NEGR1: variants seen among roughly 807,000 people sequenced by gnomAD.
NEGR1 encodes the protein neuronal growth regulator 1, also known as IgLON family member 4.
In NEGR1, 10 loss-of-function variants were observed where a neutral mutation model predicts 40.9. That is an observed-to-expected ratio of 0.24 (90% confidence interval 0.15 to 0.42). The LOEUF (loss-of-function observed/expected upper bound fraction) is 0.42, where lower values mean the gene tolerates loss of function less well. NEGR1 is among the 10% of genes least tolerant of loss of function. The pLI, the probability that NEGR1 is intolerant of heterozygous loss-of-function variation, is 1.00. For synonymous variants in NEGR1, 185 were observed against 166.8 expected (o/e 1.11, Z -0.84); for missense variants, 352 against 438.9 (o/e 0.80, Z 1.77).
chr1:72,081,546 C>T (rs553727358), intron 1 of NEGR1, among the ~76,000 whole-genome samples: 38 of 152,224 alleles, frequency 2.5e-4, no homozygotes, highest in African/African-American at 8.9e-4. Context: ...ATCTCTATCT[C>T]TGTCTACTAG....
rs1465284034 is a variant in NEGR1, at chr1:71,406,084, A to G, written c.*1362T>C. On this transcript the variant is annotated 3_prime_UTR_variant, in exon 7 of 7. Coordinates refer to ENST00000357731, the MANE Select transcript of NEGR1 (RefSeq NM_173808.3). ...TGGTGTTTTGTCTTTATTTGATCGC[A>G]TCTTACATATATCATGTAAGGAAAA... is the stretch of plus-strand genomic sequence containing the variant. The G allele has an allele frequency of 6.6e-6, 1 of 152,180 alleles. No individual in the cohort carries two copies. Among genetic ancestry groups the G allele is most frequent in the Non-Finnish European group, 1.5e-5 (1 of 67,842 alleles). The allele number at this position is 152,180 out of a possible 1,614,324, so 9.4% of individuals were successfully genotyped here.
chr1:71,955,864 G>A (rs985290798), intron 1 of NEGR1, among the ~76,000 whole-genome samples: 15 of 152,102 alleles, frequency 9.9e-5, no homozygotes, highest in Admixed American at 8.5e-4. Flanking sequence ...TAACTGTACT[G>A]TTGTAGAGGA....
At chr1:71,680,308 C>T (rs979279363) in intron 4 of NEGR1, among the ~76,000 whole-genome samples, 5 of 151,958 alleles carry the variant, frequency 3.3e-5, no homozygotes, top group Non-Finnish European at 4.4e-5. Context: ...TACATAGGAT[C>T]GTTCTGATTT....
chr1:72,201,513 C>T (rs2821285), intron 1 of NEGR1, among the ~76,000 whole-genome samples: 72,787 of 151,348 alleles, frequency 0.48, 18,211 homozygotes, highest in African/African-American at 0.59. Flanking sequence ...TAACAATGCA[C>T]GTAACTCAAG....
intron 2 of NEGR1, among the ~76,000 whole-genome samples, chr1:71,912,372 T>C (rs1475529424): frequency 6.6e-6 from 1 of 152,212 alleles, no homozygotes; most frequent in African/African-American, 2.4e-5. Flanking sequence ...TAACCCTCGT[T>C]ATTACACTGG....
intron 6 of NEGR1, among the ~76,000 whole-genome samples, chr1:71,521,281 T>C (rs1299086994): frequency 6.6e-6 from 1 of 152,032 alleles, no homozygotes; most frequent in Non-Finnish European, 1.5e-5. Context: ...TTTAGACCCA[T>C]AGACCTTTCA....
At chr1:71,928,669 A>G (rs1645825093) in intron 2 of NEGR1, among the ~76,000 whole-genome samples, 1 of 151,756 alleles carries the variant, frequency 6.6e-6, no homozygotes, top group Non-Finnish European at 1.5e-5. Flanking sequence ...AATGCTAATA[A>G]GATCCTGTCT....
chr1:71,836,327 C>T (rs1659026898), intron 2 of NEGR1, among the ~76,000 whole-genome samples: 1 of 151,214 alleles, frequency 6.6e-6, no homozygotes, highest in African/African-American at 2.4e-5. Context: ...TCCCGGGTGC[C>T]TGTAGACAGA....
chr1:72,270,241 T>C (rs1197181187), intron 1 of NEGR1, among the ~76,000 whole-genome samples: 3 of 151,900 alleles, frequency 2.0e-5, no homozygotes, highest in African/African-American at 7.2e-5. Flanking sequence ...TCTGGGACTG[T>C]GGATTCAATC....
At chr1:72,005,284 A>G (rs1262205114) in intron 1 of NEGR1, among the ~76,000 whole-genome samples, 1 of 152,104 alleles carries the variant, frequency 6.6e-6, no homozygotes, top group African/African-American at 2.4e-5. Flanking sequence ...AAATACCCCA[A>G]TCTACCATCA....
intron 2 of NEGR1, among the ~76,000 whole-genome samples, chr1:71,843,698 C>A (rs1053548208): frequency 6.6e-6 from 1 of 152,042 alleles, no homozygotes; most frequent in Non-Finnish European, 1.5e-5. Flanking sequence ...TCAGTGAGAT[C>A]CAAAATGAAC....
At chr1:71,706,564 C>CAA (rs35126210) in intron 3 of NEGR1, among the ~76,000 whole-genome samples, 9,472 of 116,114 alleles carry the variant, frequency 0.082, 401 homozygotes, top group Non-Finnish European at 0.11. Flanking sequence ...GTTGCTGCTC[C>CAA]AAAAAAAAAA....
chr1:71,826,999 G>A (rs767242628), intron 2 of NEGR1, among the ~76,000 whole-genome samples: 2 of 151,664 alleles, frequency 1.3e-5, no homozygotes, highest in Non-Finnish European at 2.9e-5. Context: ...TTAAATAATA[G>A]GGCCTTTAGC....
chr1:72,075,538 C>T (rs1322317334), intron 1 of NEGR1, among the ~76,000 whole-genome samples: 3 of 152,150 alleles, frequency 2.0e-5, no homozygotes. Flanking sequence ...AATATTTCAG[C>T]AGTGTCAAGC....
intron 4 of NEGR1, among the ~76,000 whole-genome samples, chr1:71,661,503 G>C (rs1306403398): frequency 6.6e-6 from 1 of 152,126 alleles, no homozygotes; most frequent in Non-Finnish European, 1.5e-5. Flanking sequence ...CTAAAGGATG[G>C]ACAAGTGAAA....
At chr1:71,574,807 G>C (rs998300298) in intron 6 of NEGR1, among the ~76,000 whole-genome samples, 1 of 152,150 alleles carries the variant, frequency 6.6e-6, no homozygotes, top group Non-Finnish European at 1.5e-5. Context: ...CATATGTTCT[G>C]TGTATATATG....
At chr1:72,272,489 C>A (rs188104248) in intron 1 of NEGR1, among the ~76,000 whole-genome samples, 1 of 151,682 alleles carries the variant, frequency 6.6e-6, no homozygotes, top group Non-Finnish European at 1.5e-5. Context: ...TTATTAGATA[C>A]CCTTATATAA....
chr1:71,496,465 GC>G lies in NEGR1; in HGVS notation c.941-88896del, dbSNP rs753847033. 4.7e-4 allele frequency among the ~76,000 whole-genome samples: 72 copies of G among 152,214 alleles called. 1 individual carries two copies. The highest frequency in any genetic ancestry group is 7.2e-4 in the Non-Finnish European group (49 of 67,994). ...ATAGAAAGAAGGAAGGTATTCGTTG[GC>G]CAGAAGTTTGATATCCTTTCCTTGT... On this transcript the variant is annotated intron_variant, in intron 6 of 6. Transcript: ENST00000357731.
At chr1:71,777,659 T>C (rs1656559736) in intron 2 of NEGR1, among the ~76,000 whole-genome samples, 2 of 152,100 alleles carry the variant, frequency 1.3e-5, no homozygotes, top group South Asian at 4.1e-4. Context: ...AGACATGTTT[T>C]CACGATTACC....
Sources: gnomAD v4.1 joint callset for allele counts (sites outside exome capture counted in the v4.1 genomes callset) on GRCh38, gnomAD v4.1.1 for gene constraint, MANE v1.5 for transcripts, NCBI Gene and HGNC (gene_info 2026-07-23, HGNC 2026-07-21) for gene names.